UBQLN4: variants seen among roughly 807,000 people sequenced by gnomAD.
UBQLN4 encodes ubiquilin-4.
A neutral mutation model predicts 60.4 loss-of-function variants in UBQLN4; 11 were observed. That is an observed-to-expected ratio of 0.18 (90% CI 0.11 to 0.30). UBQLN4 has a LOEUF of 0.30. Among genes scored for constraint, UBQLN4 ranks in the 10% least tolerant of loss-of-function variants. The pLI, the probability that UBQLN4 is intolerant of heterozygous loss-of-function variation, is 1.00. For synonymous variants in UBQLN4, 258 were observed against 313.1 expected (o/e 0.82, Z 1.86); for missense variants, 417 against 795.5 (o/e 0.52, Z 5.72).
chr1:156,038,710 A>C (rs912815419), intron 10 of UBQLN4, among the ~76,000 whole-genome samples: 3 of 152,042 alleles, frequency 2.0e-5, no homozygotes, highest in Non-Finnish European at 4.4e-5. Flanking sequence ...TAGCAGAGAA[A>C]GGGTCTTGCT....
downstream of UBQLN4, among the ~76,000 whole-genome samples, chr1:156,032,545 T>C (rs1275399321): frequency 2.0e-5 from 3 of 150,984 alleles, no homozygotes; most frequent in Non-Finnish European, 4.4e-5. Context: ...GAACGTTTAA[T>C]GCATTCAGGA....
At chr1:156,031,582 T>C (rs937611139), downstream of UBQLN4, among the ~76,000 whole-genome samples, 14 of 149,408 alleles carry the variant, frequency 9.4e-5, no homozygotes, top group South Asian at 2.1e-4. Context: ...TTCTTCTTTT[T>C]TTTTTTTTTT....
intron 6 of UBQLN4, 54 bp downstream of exon 6, chr1:156,043,944 G>T: frequency 6.3e-7 from 1 of 1,576,560 alleles, no homozygotes; most frequent in South Asian, 1.1e-5. Flanking sequence ...TCAGTCCTGG[G>T]ACAGAGGGGC....
chr1:156,032,929 A>G (rs1435580244), downstream of UBQLN4, among the ~76,000 whole-genome samples: 1 of 152,162 alleles, frequency 6.6e-6, no homozygotes, highest in Non-Finnish European at 1.5e-5. Context: ...CAAGGAGGAC[A>G]AGGAGGATGA....
chr1:156,050,516 G>A lies in UBQLN4; in HGVS notation c.516C>T (p.Gly172=). The change falls in exon 4 of 11, where the codon GGC becomes GGT. Residue 172 remains glycine, a synonymous_variant. Coordinates refer to ENST00000368309, the MANE Select transcript of UBQLN4 (RefSeq NM_020131.5). The surrounding 1 kb of genome is among the most constrained non-coding windows in gnomAD (Gnocchi z 4.6). Reference sequence around the variant, plus strand: ...GCTCCATGAAGTTGGCAGAGCCCAGGCCTAGGCTGCCCAGCCCCAGGATGC... The same window carrying A: ...GCTCCATGAAGTTGGCAGAGCCCAGACCTAGGCTGCCCAGCCCCAGGATGC... The part of the protein sequence containing the change: ...FGGILGLGSL[G]LGSANFMELQ... The A allele has an allele frequency of 1.2e-6, 2 of 1,613,462 alleles. No individual in the cohort carries two copies. The highest frequency in any genetic ancestry group is 1.7e-6 in the Non-Finnish European group (2 of 1,179,734).
chr1:156,040,024 C>T (rs991641630), intron 10 of UBQLN4, among the ~76,000 whole-genome samples: 4 of 150,694 alleles, frequency 2.7e-5, no homozygotes, highest in Non-Finnish European at 4.4e-5. Flanking sequence ...GAACAATGTT[C>T]GATCCAGAGA....
chr1:156,033,330 C>T (rs1184336161), downstream of UBQLN4: 3 of 974,392 alleles, frequency 3.1e-6, no homozygotes, highest in East Asian at 1.1e-4. Context: ...AAATAAAGCA[C>T]ATTTTATTTT....
At position 156,050,639 on chromosome 1, in the gene UBQLN4, C is replaced by T. The variant is rs993172969; in HGVS notation, c.479-86G>A. The T allele has an allele frequency of 4.8e-5, 71 of 1,477,292 alleles. No homozygotes were observed. The highest frequency in any genetic ancestry group is 5.8e-5 in the Non-Finnish European group (64 of 1,109,752). The allele number at this position is 1,477,292 out of a possible 1,614,324, so 91.5% of individuals were successfully genotyped here. A position where few individuals can be genotyped will look rare whatever the true frequency, so the allele number is the denominator to read the frequency against. On this transcript the variant is annotated intron_variant, in intron 3 of 10. Coordinates refer to ENST00000368309, the MANE Select transcript of UBQLN4 (RefSeq NM_020131.5). This position sits in a 1 kb window ranked among gnomAD's most constrained non-coding sequence, Gnocchi z 4.6. ...CCACTGAATTCAGATCTCCAGGACA[C>T]GCCCCAAATGCTTCTCACATGTCCC...
At chr1:156,051,054 C>A in intron 3 of UBQLN4, 56 bp downstream of exon 3, 1 of 1,556,524 alleles carries the variant, frequency 6.4e-7, no homozygotes, top group Non-Finnish European at 8.8e-7. Flanking sequence ...CTCCTCTTGG[C>A]TTTCCCCAAC....
intron 3 of UBQLN4, 24 bp downstream of exon 3, chr1:156,051,086 G>A (rs772096637): frequency 6.2e-7 from 1 of 1,607,310 alleles, no homozygotes; most frequent in Non-Finnish European, 8.5e-7. Flanking sequence ...AAACAAGATT[G>A]TGCTCTCCTC....
chr1:156,041,849 C>T, intron 9 of UBQLN4, 23 bp downstream of exon 9: 2 of 1,582,278 alleles, frequency 1.3e-6, no homozygotes, highest in Non-Finnish European at 1.7e-6. Flanking sequence ...AACCTTGCTG[C>T]CCTCCTGCCC....
intron 7 of UBQLN4, 52 bp from the exon 8 acceptor site, chr1:156,042,288 T>C (rs1226560699): frequency 1.3e-6 from 2 of 1,526,942 alleles, no homozygotes; most frequent in Non-Finnish European, 1.8e-6. Context: ...ACCCTAAGAA[T>C]TCCCCCACAG....
At chr1:156,034,865 A>ATATATATATG (rs1683362661), downstream of UBQLN4, among the ~76,000 whole-genome samples, 1 of 73,058 alleles carries the variant, frequency 1.4e-5, no homozygotes. Context: ...ATATATATAT[A>ATATATATATG]TATATAATTT....
chr1:156,050,299 T>C lies in UBQLN4; in HGVS notation c.733A>G (p.Met245Val). 6.4e-7 allele frequency: 1 copy of C among 1,570,556 alleles called. No individual in the cohort carries two copies. The change falls in exon 4 of 11, where the codon ATG becomes GTG. Residue 245 changes from methionine (M) to valine (V), a missense_variant. Coordinates refer to ENST00000368309, the MANE Select transcript of UBQLN4 (RefSeq NM_020131.5). This position sits in a 1 kb window ranked among gnomAD's most constrained non-coding sequence, Gnocchi z 4.6. ...ISHMLNNPELMRQTMELARNP... is the reference protein window; with the variant it reads ...ISHMLNNPELVRQTMELARNP... ...AGCCCTCTCATACTCACCTGCCTCATGAGTTCAGGGTTATTGAGCATGTGG... is the reference window on the plus strand; with the variant it reads ...AGCCCTCTCATACTCACCTGCCTCACGAGTTCAGGGTTATTGAGCATGTGG...
Position 156,036,359 on chromosome 1 carries a change from T to G in UBQLN4, c.*619A>C. On this transcript the variant is annotated 3_prime_UTR_variant, in exon 11 of 11. Coordinates refer to ENST00000368309, the MANE Select transcript of UBQLN4 (RefSeq NM_020131.5). ...GTTAATTCCTGTCCAGAGAGCTGTC[T>G]CATCTCCCTCTTCAGACAGGGAGAA... 1 of 985,694 alleles carries G rather than the reference T, an allele frequency of 1.0e-6. No homozygotes were observed. The highest frequency in any genetic ancestry group is 1.2e-6 in the Non-Finnish European group (1 of 830,042). The allele number at this position is 985,694 out of a possible 1,614,324, so 61.1% of individuals were successfully genotyped here.
intron 6 of UBQLN4, 52 bp downstream of exon 6, chr1:156,043,945 AC>A: frequency 6.3e-7 from 1 of 1,578,522 alleles, no homozygotes; most frequent in African/African-American, 1.3e-5. Context: ...CAGTCCTGGG[AC>A]AGAGGGGCTG....
Position 156,048,458 on chromosome 1 carries a change from G to A in UBQLN4, c.900+43C>T, listed in dbSNP as rs761697609. The A allele has an allele frequency of 5.1e-5, 80 of 1,568,792 alleles. No individual in the cohort carries two copies. Among genetic ancestry groups the A allele is most frequent in the Non-Finnish European group, 6.2e-5 (71 of 1,148,782 alleles). On this transcript the variant is annotated intron_variant, in intron 5 of 10. Coordinates refer to ENST00000368309, the MANE Select transcript of UBQLN4 (RefSeq NM_020131.5). This position sits in a 1 kb window ranked among gnomAD's most constrained non-coding sequence, Gnocchi z 4.9. ...GCCTGGGGTGGGGGTAGGGAATCTC[G>A]AGCCCAGACAGCCCAACCCACTACC... is the stretch of plus-strand genomic sequence containing the variant.
At chr1:156,046,243 T>G (rs1683695210) in intron 5 of UBQLN4, among the ~76,000 whole-genome samples, 1 of 151,114 alleles carries the variant, frequency 6.6e-6, no homozygotes. Context: ...ATCCCAGCAC[T>G]TTGGGAGGCC....
chr1:156,044,284 CCA>C lies in UBQLN4; in HGVS notation c.901-63_901-62del, dbSNP rs1263569665. The C allele has an allele frequency of 2.1e-6, 3 of 1,430,922 alleles. No homozygotes were observed. The African/African-American group carries it at 4.3e-5, about 20-fold the overall frequency. The allele number at this position is 1,430,922 out of a possible 1,614,324, so 88.6% of individuals were successfully genotyped here. On this transcript the variant is annotated intron_variant, in intron 5 of 10. Transcript: ENST00000368309. ...AACAAATCAGGGACAAGGGCTAGGC[CCA>C]TTCTCTCCTCTCACTTAATAGCCTC...
Sources: allele counts gnomAD v4.1 joint callset (sites outside exome capture counted in the v4.1 genomes callset), GRCh38; gene constraint gnomAD v4.1.1; non-coding constraint Gnocchi (gnomAD v3.1); transcripts MANE v1.5; gene names NCBI Gene and HGNC (gene_info 2026-07-23, HGNC 2026-07-21).